The following DPEP3 variants were observed in gnomAD, a reference collection of about 807,000 sequenced individuals.
DPEP3 encodes the protein dipeptidase 3.
Under a neutral mutation model 47.5 loss-of-function variants are expected in DPEP3, and 42 were observed. The ratio of observed to expected loss-of-function variants is 0.88; its 90% confidence interval spans 0.69 to 1.14. The LOEUF (loss-of-function observed/expected upper bound fraction) is 1.14. Ranked by LOEUF, DPEP3 falls within the 50% of genes most tolerant of loss-of-function variation. The probability of loss-of-function intolerance (pLI) is 0.00; values close to 1 mark genes in which losing one functional copy is unlikely to be tolerated. For synonymous variants in DPEP3, 276 were observed against 270.2 expected, an observed-to-expected ratio of 1.02 and a Z score of -0.21; for missense variants, 560 against 635.0, an observed-to-expected ratio of 0.88 and a Z score of 1.27.
chr16:67,978,061 A>C lies in DPEP3; in HGVS notation c.687-54T>G. ...AGCTGATCACACCTTGGGCCATCAC[A>C]GCCTGGGGGCCCTGGCTCTATCCAT... On this transcript the variant is annotated intron_variant, in intron 4 of 9. Transcript: ENST00000268793. This position sits in a 1 kb window ranked among gnomAD's most constrained non-coding sequence, Gnocchi z 4.4. 2 of 1,604,066 alleles carry C rather than the reference A, an allele frequency of 1.2e-6. No homozygotes were observed. The highest frequency in any genetic ancestry group is 1.7e-6 in the Non-Finnish European group (2 of 1,171,220).
Position 67,976,014 on chromosome 16 carries a change from G to T in DPEP3, c.1231-13C>A. The stretch of plus-strand genomic sequence containing the variant: ...TCTCCTCTCTCACCTGGGGGAGGAA[G>T]TCCGCAGTCAGAGGCTCCCACAGCA... On this transcript the variant is annotated splice_polypyrimidine_tract_variant and intron_variant, in intron 9 of 9. Transcript: ENST00000268793. The T allele has an allele frequency of 6.2e-7, 1 of 1,613,596 alleles. No homozygotes were observed. Among genetic ancestry groups the T allele is most frequent in the Non-Finnish European group, 8.5e-7 (1 of 1,179,522 alleles).
In DPEP3 at chr16:67,979,711, A is replaced by T; in HGVS notation, c.342T>A (p.Asp114Glu). The T allele has an allele frequency of 1.2e-6, 2 of 1,614,130 alleles. No homozygotes were observed. The highest frequency in any genetic ancestry group is 2.7e-5 in the African/African-American group (2 of 75,040). ...CATGGCTGAAATTTCGCAGGTTAAC[A>T]TCCTGAAGCACATTCTTGTAACGCT... ...LRQRYKNVLQ[D>E]VNLRNFSHGQ... Residue 114 changes from aspartate to glutamate, a missense_variant, in exon 2 of 10, where the codon GAT becomes GAA. Transcript: ENST00000268793.
chr16:67,976,566 T>C, intron 8 of DPEP3, 134 bp downstream of exon 8: 1 of 808,962 alleles, frequency 1.2e-6, no homozygotes, highest in Non-Finnish European at 2.0e-6. Flanking sequence ...GCCCTGAGAG[T>C]GGGGAGTGTC....
At position 67,975,927 on chromosome 16, in the gene DPEP3, G is replaced by A. The variant is rs148862553; in HGVS notation, c.1305C>T (p.His435=). Residue 435 remains histidine (H), a synonymous_variant, in exon 10 of 10, where the codon CAC becomes CAT. Coordinates refer to ENST00000268793, the MANE Select transcript of DPEP3 (RefSeq NM_001370198.1). ...FPYGQLSTSC[H]SHLVPQNGHQ... is the part of the protein sequence containing the mutation. ...GTCCATTCTGAGGCACGAGGTGGGA[G>A]TGGCAGGATGTGCTCAGTTGCCCAT... The A allele has an allele frequency of 2.5e-6, 4 of 1,613,960 alleles. No homozygotes were observed. Among genetic ancestry groups the A allele is most frequent in the Non-Finnish European group, 3.4e-6 (4 of 1,179,876 alleles).
rs1173415404 is a variant in DPEP3, at chr16:67,980,455, T to C, written c.-75A>G. ...GAGGCCGACAATGGGGTCCGGATCA[T>C]GACGACCCAGCCTCCCGAAGAGGGG... On this transcript the variant is annotated 5_prime_UTR_variant, in exon 1 of 10. The change abolishes an upstream ATG in the 5' untranslated region. Coordinates refer to ENST00000268793, the MANE Select transcript of DPEP3 (RefSeq NM_001370198.1). The C allele has an allele frequency of 1.4e-6, 2 of 1,449,394 alleles. No homozygotes were observed. The highest frequency in any genetic ancestry group is 1.5e-5 in the African/African-American group (1 of 67,438). 89.8% of individuals were successfully genotyped at this position (1,449,394 alleles called of 1,614,324 possible).
chr16:67,976,108 G>C lies in DPEP3; in HGVS notation c.1215C>G (p.Phe405Leu), dbSNP rs1483309426. 6.2e-6 allele frequency: 10 copies of C among 1,614,054 alleles called. No homozygotes were observed. The change falls in exon 9 of 10, where the codon TTC (phenylalanine) becomes TTG (leucine). Residue 405 changes from phenylalanine to leucine, a missense_variant. Phe to Leu is a conservative substitution (Grantham distance 22). Transcript: ENST00000268793. ...GVLRGNLLRV[F>L]RQVEKVREES... ...CCCAGCTTACCTTTTCCACTTGTCT[G>C]AAGACCCGCAGCAGGTTTCCACGAA...
At position 67,978,578 on chromosome 16, in the gene DPEP3, G is replaced by A. The variant is rs771035829; in HGVS notation, c.463C>T (p.Arg155Cys). 4 of 1,613,834 alleles carry A rather than the reference G, an allele frequency of 2.5e-6. No homozygotes were observed. Among genetic ancestry groups the A allele is most frequent in the East Asian group, 2.2e-5 (1 of 44,878 alleles). The part of the protein sequence containing the change: ...SCQSQDQTAV[R>C]LALEQIDLIH... ...AGGTCAATCTGCTCCAGGGCGAGGC[G>A]CACGGCAGTCTGGTCCTGGGACTGG... is the stretch of plus-strand genomic sequence containing the variant. The change falls in exon 3 of 10, where the codon CGC becomes TGC. Residue 155 changes from arginine (R) to cysteine (C), a missense_variant. Transcript: ENST00000268793. The surrounding 1 kb of genome is among the most constrained non-coding windows in gnomAD (Gnocchi z 4.4).
chr16:67,978,101 G>A lies in DPEP3; in HGVS notation c.687-94C>T. 1 of 1,579,884 alleles carries A rather than the reference G, an allele frequency of 6.3e-7. No individual in the cohort carries two copies. The highest frequency in any genetic ancestry group is 8.7e-7 in the Non-Finnish European group (1 of 1,151,752). ...GCTCTATCCATCCATCCTGCTTCCAGAACAGGTGCAGAACCAGCTGCTTTC... is the reference window on the plus strand; with the variant it reads ...GCTCTATCCATCCATCCTGCTTCCAAAACAGGTGCAGAACCAGCTGCTTTC... On this transcript the variant is annotated intron_variant, in intron 4 of 9. Transcript: ENST00000268793. The surrounding 1 kb of genome is among the most constrained non-coding windows in gnomAD (Gnocchi z 4.4).
Position 67,977,736 on chromosome 16 carries a change from C to T in DPEP3, c.850G>A (p.Ala284Thr). The T allele has an allele frequency of 6.2e-7, 1 of 1,613,488 alleles. No individual in the cohort carries two copies. Residue 284 changes from alanine to threonine, a missense_variant, in exon 6 of 10, where the codon GCT (alanine) becomes ACT (threonine). Coordinates refer to ENST00000268793, the MANE Select transcript of DPEP3 (RefSeq NM_001370198.1). The part of the protein sequence containing the change: ...LIRRVLEVSQ[A>T]PVIFSHSAAR... Reference sequence around the variant, plus strand: ...GCTGAGTGGGAGAAGATCACAGGAGCCTGAGACACTTCCAGGACCCTTCTT... The same window carrying T: ...GCTGAGTGGGAGAAGATCACAGGAGTCTGAGACACTTCCAGGACCCTTCTT...
chr16:67,976,143 G>T lies in DPEP3; in HGVS notation c.1180C>A (p.Gln394Lys), dbSNP rs778776915. Reference protein sequence around the residue: ...LSRSWSEEELQGVLRGNLLRV... With the variant: ...LSRSWSEEELKGVLRGNLLRV... ...AGCAGGTTTCCACGAAGGACACCTTGAAGCTCTTCCTCGCTCCAGCTACGA... is the reference window on the plus strand; with the variant it reads ...AGCAGGTTTCCACGAAGGACACCTTTAAGCTCTTCCTCGCTCCAGCTACGA... The change falls in exon 9 of 10, where the codon CAA becomes AAA. Residue 394 changes from glutamine (Q) to lysine (K), a missense_variant. Physicochemically the swap from Gln to Lys is moderately conservative, Grantham distance 53. Transcript: ENST00000268793. The T allele has an allele frequency of 6.2e-7, 1 of 1,614,178 alleles. No individual in the cohort carries two copies. The highest frequency in any genetic ancestry group is 2.2e-5 in the East Asian group (1 of 44,882).
rs922679454 is a variant in DPEP3, at chr16:67,978,836, G to A, written c.415-210C>T. Among the ~76,000 whole-genome samples, 1 of 151,916 alleles carries A rather than the reference G, an allele frequency of 6.6e-6. No individual in the cohort carries two copies. The highest frequency in any genetic ancestry group is 1.5e-5 in the Non-Finnish European group (1 of 67,980). The stretch of plus-strand genomic sequence containing the variant: ...AGACAGGGTCTTGCTCTGTCACCCA[G>A]GCTAGAGTGCAGTGGTGTGATCATG... On this transcript the variant is annotated intron_variant, in intron 2 of 9. Transcript: ENST00000268793. This position sits in a 1 kb window ranked among gnomAD's most constrained non-coding sequence, Gnocchi z 4.4.
chr16:67,980,435 C>T lies in DPEP3; in HGVS notation c.-55G>A, dbSNP rs755879389. 108 of 1,473,846 alleles carry T rather than the reference C, an allele frequency of 7.3e-5. No homozygotes were observed. Among genetic ancestry groups the T allele is most frequent in the Non-Finnish European group, 8.9e-5 (99 of 1,113,224 alleles). 91.3% of individuals were successfully genotyped at this position (1,473,846 alleles called of 1,614,324 possible). A position where few individuals can be genotyped will look rare whatever the true frequency, so the allele number is the denominator to read the frequency against. On this transcript the variant is annotated 5_prime_UTR_variant, in exon 1 of 10. Transcript: ENST00000268793. ...GGAGGAGCAGGCGATGGGCAGAGGCCGACAATGGGGTCCGGATCATGACGA... is the reference window on the plus strand; with the variant it reads ...GGAGGAGCAGGCGATGGGCAGAGGCTGACAATGGGGTCCGGATCATGACGA...
At chr16:67,980,055 G>C (rs1330468465) in intron 1 of DPEP3, 39 bp downstream of exon 1, 1 of 1,574,876 alleles carries the variant, frequency 6.3e-7, no homozygotes, top group African/African-American at 1.4e-5. Flanking sequence ...GCCCAAGGGT[G>C]TGCTCACCCC....
chr16:67,980,322 A>T lies in DPEP3; in HGVS notation c.59T>A (p.Leu20Gln). ...RALSRRYLRR[L>Q]LLLLLLLLLR... ...CAGCAGCAGCAGTAGCAGGAGCAGC[A>T]GACGCCGCAGATACCGCCGGCTGAG... Residue 20 changes from leucine (L) to glutamine (Q), a missense_variant, in exon 1 of 10, where the codon CTG becomes CAG. Physicochemically the swap from Leu to Gln is moderately radical, Grantham distance 113. Coordinates refer to ENST00000268793, the MANE Select transcript of DPEP3 (RefSeq NM_001370198.1). 1 of 1,557,292 alleles carries T rather than the reference A, an allele frequency of 6.4e-7. No individual in the cohort carries two copies. Among genetic ancestry groups the T allele is most frequent in the Non-Finnish European group, 8.7e-7 (1 of 1,152,178 alleles).
Position 67,976,724 on chromosome 16 carries a change from C to G in DPEP3, c.1070G>C (p.Gly357Ala), listed in dbSNP as rs2031204418. 1 of 1,614,018 alleles carries G rather than the reference C, an allele frequency of 6.2e-7. No individual in the cohort carries two copies. Among genetic ancestry groups the G allele is most frequent in the African/African-American group, 1.3e-5 (1 of 74,930 alleles). Residue 357 changes from glycine to alanine, a missense_variant, in exon 8 of 10, where the codon GGT becomes GCT. Transcript: ENST00000268793. ...AVIGSEFIGI[G>A]GNYDGTGRFP... ...CCGGCCAGTCCCGTCATAATTTCCA[C>G]CAATCCCGATGAACTCAGATCCAAT...
rs969406044 is a variant in DPEP3, at chr16:67,977,439, C to T, written c.934-85G>A. On this transcript the variant is annotated intron_variant, in intron 6 of 9. Coordinates refer to ENST00000268793, the MANE Select transcript of DPEP3 (RefSeq NM_001370198.1). ...CTGTGGGGGCCCTGGTAGGACTGTG[C>T]TCCATCCTGGCTTCAGGGGTTGGAA... The T allele has an allele frequency of 1.5e-5, 21 of 1,423,080 alleles. No individual in the cohort carries two copies. The African/African-American group carries it at 2.7e-4, about 18-fold the overall frequency. 88.2% of individuals were successfully genotyped at this position (1,423,080 alleles called of 1,614,324 possible).
chr16:67,977,407 T>A, intron 6 of DPEP3, 53 bp from the exon 7 acceptor site: 1 of 1,551,440 alleles, frequency 6.4e-7, no homozygotes. Context: ...AGAACATGCC[T>A]CCTGTGCTGT....
chr16:67,977,407 T>C, intron 6 of DPEP3, 53 bp from the exon 7 acceptor site: 1 of 1,551,432 alleles, frequency 6.4e-7, no homozygotes, highest in African/African-American at 1.4e-5. Context: ...AGAACATGCC[T>C]CCTGTGCTGT....
intron 8 of DPEP3, 30 bp downstream of exon 8, chr16:67,976,665 CCCCAG>C (rs770347606): frequency 9.2e-5 from 148 of 1,605,062 alleles, no homozygotes; most frequent in Non-Finnish European, 1.2e-4. Flanking sequence ...CCCTGCTGCA[CCCCAG>C]CCTAAGAGAA....
Sources: gnomAD v4.1 joint callset for allele counts (sites outside exome capture counted in the v4.1 genomes callset) on GRCh38, gnomAD v4.1.1 for gene constraint, Gnocchi (gnomAD v3.1) non-coding constraint, MANE v1.5 for transcripts, NCBI Gene and HGNC (gene_info 2026-07-23, HGNC 2026-07-21) for gene names.